The following CD163 variants were observed in gnomAD, a reference collection of about 807,000 sequenced individuals.
CD163 encodes the protein scavenger receptor cysteine-rich type 1 protein M130.
In CD163, 64 loss-of-function variants were observed where a neutral mutation model predicts 129.2. The observed-to-expected ratio is 0.50, with a 90% confidence interval of 0.41 to 0.61. CD163 has a LOEUF of 0.61. CD163 is among the 20% of genes least tolerant of loss of function. CD163 has a pLI of 0.00. For synonymous variants in CD163, 446 were observed against 478.5 expected, an observed-to-expected ratio of 0.93 and a Z score of 0.89; for missense variants, 1,061 against 1,377.9, an observed-to-expected ratio of 0.77 and a Z score of 3.64.
chr12:7,476,783 T>C (rs964861826), intron 16 of CD163, among the ~76,000 whole-genome samples: 7 of 151,984 alleles, frequency 4.6e-5, no homozygotes, highest in African/African-American at 1.5e-4. Flanking sequence ...AAAGAAACTA[T>C]CATCAGGGTG....
Position 7,496,759 on chromosome 12 carries a change from G to C in CD163, c.1099+54C>G. Reference sequence around the variant, plus strand: ...ACTCTTAAGGAGCACAGGACTTTCCGTTTCTGCTTTTCTTTTTGTTTAGTG... The same window carrying C: ...ACTCTTAAGGAGCACAGGACTTTCCCTTTCTGCTTTTCTTTTTGTTTAGTG... On this transcript the variant is annotated intron_variant, in intron 5 of 16. Coordinates refer to ENST00000432237, the MANE Select transcript of CD163 (RefSeq NM_203416.4). This position sits in a 1 kb window ranked among gnomAD's most constrained non-coding sequence, Gnocchi z 4.8. The C allele has an allele frequency of 6.6e-7, 1 of 1,523,536 alleles. No homozygotes were observed. Among genetic ancestry groups the C allele is most frequent in the Admixed American group, 1.7e-5 (1 of 59,292 alleles). The allele number at this position is 1,523,536 out of a possible 1,614,324, so 94.4% of individuals were successfully genotyped here. A position where few individuals can be genotyped will look rare whatever the true frequency, so the allele number is the denominator to read the frequency against.
intron 4 of CD163, 34 bp from the exon 5 acceptor site, chr12:7,497,167 G>A (rs1235778480): frequency 6.4e-7 from 1 of 1,560,660 alleles, no homozygotes. Flanking sequence ...TCTGCGATAA[G>A]GAAGCAAGAA....
chr12:7,500,022 G>A (rs1015744850), intron 3 of CD163, among the ~76,000 whole-genome samples: 1 of 152,160 alleles, frequency 6.6e-6, no homozygotes, highest in Non-Finnish European at 1.5e-5. Flanking sequence ...AGATGCTACT[G>A]TGTGTTTCTC....
In CD163 at chr12:7,496,506, A is replaced by T. The variant is rs150135492; in HGVS notation, c.1099+307T>A. ...CTTAAAGTAAAAAAATAAGTAAATT[A>T]AAAAAATTTAAAAACAGATTCCTAG... On this transcript the variant is annotated intron_variant, in intron 5 of 16. Transcript: ENST00000432237. This position sits in a 1 kb window ranked among gnomAD's most constrained non-coding sequence, Gnocchi z 4.8. Among the ~76,000 whole-genome samples, 693 of 152,284 alleles carry T rather than the reference A, an allele frequency of 4.6e-3. 2 individuals are homozygous for T. The highest frequency in any genetic ancestry group is 0.015 in the African/African-American group (613 of 41,556).
Position 7,498,848 on chromosome 12 carries a change from G to T in CD163, c.778+20C>A. ...TTTGTCCTCTCCTGGAGAATAGAAT[G>T]AGCCAAGATCAGTCCTTACTTGAGC... is the stretch of plus-strand genomic sequence containing the variant. On this transcript the variant is annotated intron_variant, in intron 4 of 16. Transcript: ENST00000432237. 6.2e-7 allele frequency: 1 copy of T among 1,601,160 alleles called. No individual in the cohort carries two copies. Among genetic ancestry groups the T allele is most frequent in the Non-Finnish European group, 8.5e-7 (1 of 1,171,916 alleles).
At position 7,496,819 on chromosome 12, in the gene CD163, A is replaced by T. The variant is rs973370161; in HGVS notation, c.1093T>A (p.Cys365Ser). 3 of 1,613,900 alleles carry T rather than the reference A, an allele frequency of 1.9e-6. No individual in the cohort carries two copies. In the African/African-American group the frequency reaches 4.0e-5, roughly 22 times the overall value. The change falls in exon 5 of 17, where the codon TGT becomes AGT. Residue 365 changes from cysteine (C) to serine (S), a missense_variant. Physicochemically the swap from Cys to Ser is moderately radical, Grantham distance 112. Transcript: ENST00000432237. This position sits in a 1 kb window ranked among gnomAD's most constrained non-coding sequence, Gnocchi z 4.8. ...CNHNEDAGVT[C>S]SDGSDLELRL... ...TGGTTTGGTTTTAACTTACCAGAAC[A>T]TGTCACGCCAGCATCTTCATTGTGA...
At chr12:7,473,934 CTATGATAAAAT>C (rs1436741454) in intron 16 of CD163, among the ~76,000 whole-genome samples, 4 of 152,076 alleles carry the variant, frequency 2.6e-5, no homozygotes, top group Middle Eastern at 3.4e-3. Context: ...CAATTCTAGT[CTATGATAAAAT>C]AGACCTTAAG....
chr12:7,477,045 C>T (rs760258986), intron 16 of CD163, among the ~76,000 whole-genome samples: 28 of 152,350 alleles, frequency 1.8e-4, no homozygotes, highest in Non-Finnish European at 2.6e-4. Flanking sequence ...GAGATACCAT[C>T]TCACACCAGT....
chr12:7,485,289 C>G lies in CD163; in HGVS notation c.2586G>C (p.Val862=). ...CTGCACAGCCCAGCTGCCTGCACACCACACCCACAGTGGTTTCAGACATGC... is the reference window on the plus strand; with the variant it reads ...CTGCACAGCCCAGCTGCCTGCACACGACACCCACAGTGGTTTCAGACATGC... ...KSSMSETTVG[V]VCRQLGCADK... Residue 862 remains valine (V), a synonymous_variant, in exon 11 of 17, where the codon GTG becomes GTC. Coordinates refer to ENST00000432237, the MANE Select transcript of CD163 (RefSeq NM_203416.4). This position sits in a 1 kb window ranked among gnomAD's most constrained non-coding sequence, Gnocchi z 4.5. The G allele has an allele frequency of 6.2e-7, 1 of 1,614,162 alleles. No individual in the cohort carries two copies. The highest frequency in any genetic ancestry group is 8.5e-7 in the Non-Finnish European group (1 of 1,180,014).
At chr12:7,474,760 A>G (rs781739926) in intron 16 of CD163, among the ~76,000 whole-genome samples, 1 of 152,082 alleles carries the variant, frequency 6.6e-6, no homozygotes, top group Non-Finnish European at 1.5e-5. Context: ...GACATGAAAA[A>G]CCCTTCAAAA....
Position 7,495,384 on chromosome 12 carries a change from G to GCTCCAGAT in CD163, c.1109_1116dup (p.Leu373IlefsTer4). The GCTCCAGAT allele has an allele frequency of 6.2e-7, 1 of 1,613,748 alleles. No homozygotes were observed. Among genetic ancestry groups the GCTCCAGAT allele is most frequent in the South Asian group, 1.1e-5 (1 of 91,070 alleles). On this transcript the variant is annotated frameshift_variant, in exon 6 of 17. Transcript: ENST00000432237. LOFTEE classifies it high-confidence loss of function. ...CGGCTGCCTCCACCTCTAAGTCTTA[G>GCTCCAGAT]CTCCAGATCTGATCCATCTGCAAAA...
rs1175466505 is a variant in CD163 at position 7,496,343 on chromosome 12, G to C, written c.1099+470C>G. Among the ~76,000 whole-genome samples the C allele has an allele frequency of 1.3e-5, 2 of 151,998 alleles. No individual in the cohort carries two copies. Among genetic ancestry groups the C allele is most frequent in the African/African-American group, 4.8e-5 (2 of 41,366 alleles). Reference sequence around the variant, plus strand: ...GGCCTGTCAATGGGTGGGGGGAAAGGGGAGGGAGAGCATTAGGACAAATAC... The same window carrying C: ...GGCCTGTCAATGGGTGGGGGGAAAGCGGAGGGAGAGCATTAGGACAAATAC... On this transcript the variant is annotated intron_variant, in intron 5 of 16. Transcript: ENST00000432237. The surrounding 1 kb of genome is among the most constrained non-coding windows in gnomAD (Gnocchi z 4.8).
intron 16 of CD163, among the ~76,000 whole-genome samples, chr12:7,475,097 CAAAAAAA>C (rs58901449): frequency 1.1e-4 from 10 of 94,020 alleles, no homozygotes; most frequent in Admixed American, 3.6e-4. Flanking sequence ...GCCTACCAAC[CAAAAAAA>C]AAAAAAAAAA....
At chr12:7,492,986 G>A (rs138010420) in intron 6 of CD163, among the ~76,000 whole-genome samples, 1 of 152,244 alleles carries the variant, frequency 6.6e-6, no homozygotes, top group African/African-American at 2.4e-5. Context: ...GAGAAGGGCT[G>A]GTCACAGCAT....
intron 16 of CD163, among the ~76,000 whole-genome samples, chr12:7,477,299 C>A (rs1467244772): frequency 6.6e-6 from 1 of 152,074 alleles, no homozygotes; most frequent in Non-Finnish European, 1.5e-5. Flanking sequence ...ATGTTTATTG[C>A]AGCACTATTC....
At chr12:7,498,630 C>A (rs1409199793) in intron 4 of CD163, among the ~76,000 whole-genome samples, 1 of 151,938 alleles carries the variant, frequency 6.6e-6, no homozygotes, top group Non-Finnish European at 1.5e-5. Flanking sequence ...TAAACACTTT[C>A]TTCTTTTCTT....
rs1217109462 is a variant in CD163, at chr12:7,503,682, T to C, written c.9A>G (p.Lys3=). 1.9e-6 allele frequency: 3 copies of C among 1,597,766 alleles called. No individual in the cohort carries two copies. Among genetic ancestry groups the C allele is most frequent in the Non-Finnish European group, 2.6e-6 (3 of 1,168,072 alleles). The change falls in exon 1 of 17, where the codon AAA becomes AAG. Residue 3 remains lysine, a synonymous_variant. Transcript: ENST00000432237. MS[K]LRMVLLEDSG... ...AGTCTTCAAGTAGCACCATTCTGAG[T>C]TTGCTCATTCCAAAGATTTATAACT...
Position 7,498,998 on chromosome 12 carries a change from T to G in CD163, c.648A>C (p.Glu216Asp), listed in dbSNP as rs1422244231. The G allele has an allele frequency of 6.2e-7, 1 of 1,614,048 alleles. No individual in the cohort carries two copies. The highest frequency in any genetic ancestry group is 8.5e-7 in the Non-Finnish European group (1 of 1,180,030). Residue 216 changes from glutamate (E) to aspartate (D), a missense_variant, in exon 4 of 17, where the codon GAA becomes GAC. Coordinates refer to ENST00000432237, the MANE Select transcript of CD163 (RefSeq NM_203416.4). ...VSFSGSSNFG[E>D]GSGPIWFDDL... Reference sequence around the variant, plus strand: ...CATCAAACCAGATTGGTCCAGAGCCTTCTCCAAAATTAGATGAACCAGAGA... The same window carrying G: ...CATCAAACCAGATTGGTCCAGAGCCGTCTCCAAAATTAGATGAACCAGAGA...
At chr12:7,474,707 G>A (rs768975613) in intron 16 of CD163, among the ~76,000 whole-genome samples, 2 of 152,134 alleles carry the variant, frequency 1.3e-5, no homozygotes, top group East Asian at 3.9e-4. Flanking sequence ...GCTAGCAGAA[G>A]ACAAGAAATA....
Sources: gnomAD v4.1 joint callset for allele counts (sites outside exome capture counted in the v4.1 genomes callset) on GRCh38, gnomAD v4.1.1 for gene constraint, Gnocchi (gnomAD v3.1) non-coding constraint, MANE v1.5 for transcripts, NCBI Gene and HGNC (gene_info 2026-07-23, HGNC 2026-07-21) for gene names.